Variants in ICA1 observed in about 807,000 individuals in gnomAD.
ICA1 encodes the protein 69 kDa islet cell autoantigen.
ICA1 carries 40 observed loss-of-function variants against 71.0 expected under a neutral mutation model. The ratio of observed to expected loss-of-function variants is 0.56; its 90% confidence interval spans 0.44 to 0.73. The LOEUF (loss-of-function observed/expected upper bound fraction) is 0.73. ICA1 is among the 30% of genes least tolerant of loss of function. The pLI is 0.00. For synonymous variants in ICA1, 207 were observed against 209.5 expected, an observed-to-expected ratio of 0.99 and a Z score of 0.10; for missense variants, 578 against 576.5, an observed-to-expected ratio of 1.00 and a Z score of -0.03.
chr7:8,145,250 T>C (rs1209819686), intron 8 of ICA1, among the ~76,000 whole-genome samples: 2 of 152,190 alleles, frequency 1.3e-5, no homozygotes, highest in Non-Finnish European at 2.9e-5. Flanking sequence ...CTGACCAATT[T>C]TGAAGATCTT....
Position 8,130,821 on chromosome 7 carries a change from T to G in ICA1, c.1061-2679A>C, listed in dbSNP as rs1791175884. 2.0e-5 allele frequency among the ~76,000 whole-genome samples: 3 copies of G among 152,208 alleles called. No individual in the cohort carries two copies. The highest frequency in any genetic ancestry group is 4.4e-5 in the Non-Finnish European group (3 of 68,026). Reference sequence around the variant, plus strand: ...ACCACAGACTGTAATAGCTCCATCTTTGTTTTTATTGTTTAGGTTTTGTGC... The same window carrying G: ...ACCACAGACTGTAATAGCTCCATCTGTGTTTTTATTGTTTAGGTTTTGTGC... On this transcript the variant is annotated intron_variant, in intron 12 of 13. Transcript: ENST00000402384. This position sits in a 1 kb window ranked among gnomAD's most constrained non-coding sequence, Gnocchi z 4.2.
intron 6 of ICA1, among the ~76,000 whole-genome samples, chr7:8,202,067 T>C (rs1462682838): frequency 6.6e-6 from 1 of 152,120 alleles, no homozygotes; most frequent in East Asian, 1.9e-4. Flanking sequence ...TGAAAGGGCA[T>C]CCAAAAAGAG....
At chr7:8,261,116 A>G (rs2128570474) in intron 1 of ICA1, among the ~76,000 whole-genome samples, 1 of 152,308 alleles carries the variant, frequency 6.6e-6, no homozygotes, top group East Asian at 1.9e-4. Context: ...GATCTCGGTT[A>G]CTAAGATTCA....
intron 6 of ICA1, among the ~76,000 whole-genome samples, chr7:8,177,088 A>G (rs370465385): frequency 1.3e-5 from 2 of 152,344 alleles, no homozygotes; most frequent in Admixed American, 6.5e-5. Context: ...ATTCTAATGC[A>G]TACAAAATTT....
chr7:8,194,312 A>G (rs7802863), intron 6 of ICA1, among the ~76,000 whole-genome samples: 44,798 of 152,142 alleles, frequency 0.29, 11,992 homozygotes, highest in African/African-American at 0.72. Flanking sequence ...AATATCAGTG[A>G]AAATGACTTA....
intron 6 of ICA1, among the ~76,000 whole-genome samples, chr7:8,212,785 C>A (rs1001204977): frequency 3.3e-5 from 5 of 152,164 alleles, no homozygotes; most frequent in Admixed American, 6.5e-5. Flanking sequence ...AGCCAGCCAG[C>A]CACCAGCTCT....
chr7:8,245,164 T>C (rs369139582), intron 1 of ICA1, among the ~76,000 whole-genome samples: 10 of 152,086 alleles, frequency 6.6e-5, no homozygotes, highest in African/African-American at 1.2e-4. Flanking sequence ...CCAATACAAA[T>C]GTCCATCAAT....
Position 8,218,361 on chromosome 7 carries a change from C to A in ICA1, c.523G>T (p.Asp175Tyr). 6.2e-7 allele frequency: 1 copy of A among 1,614,166 alleles called. No homozygotes were observed. Among genetic ancestry groups the A allele is most frequent in the African/African-American group, 1.3e-5 (1 of 75,062 alleles). The change falls in exon 6 of 14, where the codon GAC (aspartate) becomes TAC (tyrosine). Residue 175 changes from aspartate to tyrosine, a missense_variant. Coordinates refer to ENST00000402384, the MANE Select transcript of ICA1 (RefSeq NM_001136020.3). ...EYRGALLWMK[D>Y]VSQELDPDLY... ...TCTGGATCAAGCTCCTGAGACACGT[C>A]CTTCATCCATAATAGTGCTCCTCTA...
At chr7:8,215,330 T>G (rs1184825829) in intron 6 of ICA1, among the ~76,000 whole-genome samples, 1 of 152,194 alleles carries the variant, frequency 6.6e-6, no homozygotes, top group Admixed American at 6.5e-5. Flanking sequence ...GGAATGCTGC[T>G]CTGTTGCTTC....
At chr7:8,255,609 C>T (rs1229733909) in intron 1 of ICA1, among the ~76,000 whole-genome samples, 1 of 152,158 alleles carries the variant, frequency 6.6e-6, no homozygotes, top group Non-Finnish European at 1.5e-5. Flanking sequence ...TTTCCACCTC[C>T]AGATGGTAAT....
At chr7:8,151,008 A>C (rs1402603535) in intron 8 of ICA1, among the ~76,000 whole-genome samples, 1 of 152,254 alleles carries the variant, frequency 6.6e-6, no homozygotes, top group African/African-American at 2.4e-5. Context: ...AAGAAGAACA[A>C]GTATATCCAA....
Position 8,143,896 on chromosome 7 carries a change from G to A in ICA1, c.881C>T (p.Ala294Val). Residue 294 changes from alanine to valine, a missense_variant, in exon 9 of 14, where the codon GCA becomes GTA. Physicochemically the swap from Ala to Val is moderately conservative, Grantham distance 64. Coordinates refer to ENST00000402384, the MANE Select transcript of ICA1 (RefSeq NM_001136020.3). ...TTACTGGCTCGGCTCCTGCACGGCT[G>A]CATCTGTACTTTCCTGCTGGTTGAT... is the stretch of plus-strand genomic sequence containing the variant. ...KKINQQESTD[A>V]AVQEPSQLIS... is the part of the protein sequence containing the mutation. The A allele has an allele frequency of 6.2e-7, 1 of 1,611,102 alleles. No individual in the cohort carries two copies. Among genetic ancestry groups the A allele is most frequent in the South Asian group, 1.1e-5 (1 of 91,004 alleles).
At position 8,262,105 on chromosome 7, in the gene ICA1, G is replaced by T. The variant is rs577575680; in HGVS notation, c.-91C>A. On this transcript the variant is annotated 5_prime_UTR_variant, in exon 1 of 14. Coordinates refer to ENST00000402384, the MANE Select transcript of ICA1 (RefSeq NM_001136020.3). ...CGGAGGGCAGGTACCTCGGAGCCCC[G>T]GCCCCCAGGAGCCTCCCGGCCGCGG... 2 of 152,108 alleles carry T rather than the reference G, an allele frequency of 1.3e-5. No homozygotes were observed. The highest frequency in any genetic ancestry group is 2.4e-5 in the African/African-American group (1 of 41,416). 9.4% of individuals were successfully genotyped at this position (152,108 alleles called of 1,614,324 possible). A position where few individuals can be genotyped will look rare whatever the true frequency, so the allele number is the denominator to read the frequency against.
At chr7:8,162,019 C>T (rs1046655195) in intron 6 of ICA1, among the ~76,000 whole-genome samples, 9 of 152,172 alleles carry the variant, frequency 5.9e-5, no homozygotes, top group African/African-American at 9.7e-5. Flanking sequence ...ATAAGGTATT[C>T]GTAAGGCTGG....
chr7:8,213,972 T>C (rs1794632528), intron 6 of ICA1, among the ~76,000 whole-genome samples: 1 of 152,244 alleles, frequency 6.6e-6, no homozygotes, highest in Non-Finnish European at 1.5e-5. Context: ...AGCTATCCTT[T>C]TGAATTATGG....
intron 6 of ICA1, among the ~76,000 whole-genome samples, chr7:8,208,862 G>T (rs565837941): frequency 6.6e-6 from 1 of 152,162 alleles, no homozygotes; most frequent in Admixed American, 6.5e-5. Flanking sequence ...ATTAAGTGAT[G>T]AAACATGGAA....
intron 4 of ICA1, among the ~76,000 whole-genome samples, chr7:8,224,455 C>T (rs976878045): frequency 6.6e-6 from 1 of 152,132 alleles, no homozygotes; most frequent in Non-Finnish European, 1.5e-5. Flanking sequence ...ATCCAATTTA[C>T]ATGTATTAAA....
intron 6 of ICA1, among the ~76,000 whole-genome samples, chr7:8,212,015 G>A (rs912590800): frequency 6.6e-6 from 1 of 152,270 alleles, no homozygotes; most frequent in African/African-American, 2.4e-5. Flanking sequence ...ATATAAATAA[G>A]AGAAAAATAT....
At chr7:8,115,016 G>C (rs940660760) in intron 13 of ICA1, 1 of 152,202 alleles carries the variant, frequency 6.6e-6, no homozygotes, top group Non-Finnish European at 1.5e-5. Context: ...AGTGGTTAGT[G>C]AGGGGATAGA....
Sources: gnomAD v4.1 joint callset for allele counts (sites outside exome capture counted in the v4.1 genomes callset) on GRCh38, gnomAD v4.1.1 for gene constraint, Gnocchi (gnomAD v3.1) non-coding constraint, MANE v1.5 for transcripts, NCBI Gene and HGNC (gene_info 2026-07-23, HGNC 2026-07-21) for gene names.